The following TMTC1 variants were observed in gnomAD, a reference collection of about 807,000 sequenced individuals.
TMTC1 encodes the protein transmembrane O-mannosyltransferase targeting cadherins 1.
In TMTC1, 73 loss-of-function variants were observed where a neutral mutation model predicts 104.8. The ratio of observed to expected loss-of-function variants is 0.70; its 90% CI spans 0.58 to 0.85. TMTC1 has a LOEUF of 0.85. Ranked by LOEUF, TMTC1 falls within the 40% of genes least tolerant of loss-of-function variation. TMTC1 has a pLI of 0.00. For synonymous variants in TMTC1, 434 were observed against 428.7 expected (o/e 1.01, Z -0.15); for missense variants, 1,035 against 1,096.1 (o/e 0.94, Z 0.79).
At chr12:29,688,286 A>G (rs1941158488) in intron 5 of TMTC1, among the ~76,000 whole-genome samples, 1 of 152,188 alleles carries the variant, frequency 6.6e-6, no homozygotes, top group Non-Finnish European at 1.5e-5. Flanking sequence ...TATCTAAAAA[A>G]CTACAGAATG....
At chr12:29,731,372 A>G (rs973025246) in intron 5 of TMTC1, among the ~76,000 whole-genome samples, 2 of 152,082 alleles carry the variant, frequency 1.3e-5, no homozygotes, top group African/African-American at 2.4e-5. Flanking sequence ...GGCCAGGCTG[A>G]TCTCAAACTC....
intron 5 of TMTC1, chr12:29,660,015 C>T (rs1335887665): frequency 1.4e-6 from 2 of 1,480,820 alleles, no homozygotes; most frequent in South Asian, 1.2e-5. Flanking sequence ...AGTGAGATTG[C>T]CACCAATAAT....
At chr12:29,633,077 A>G in intron 6 of TMTC1, 70 bp downstream of exon 6, 1 of 1,435,400 alleles carries the variant, frequency 7.0e-7, no homozygotes, top group Non-Finnish European at 9.5e-7. Flanking sequence ...CATCCGCACT[A>G]AAAAGAACAT....
chr12:29,624,379 T>C (rs1469064728), intron 6 of TMTC1, among the ~76,000 whole-genome samples: 1 of 151,454 alleles, frequency 6.6e-6, no homozygotes, highest in Non-Finnish European at 1.5e-5. Context: ...GTGGAAGAAG[T>C]ATGGCAAGGG....
In TMTC1 at chr12:29,644,015, T is replaced by C. The variant is rs1287837819; in HGVS notation, c.939-10679A>G. On this transcript the variant is annotated intron_variant, in intron 5 of 17. Transcript: ENST00000539277. ...TAATTTATATATAAATATAAATATATAATTTATATATAAATATAAATATAT... is the reference window on the plus strand; with the variant it reads ...TAATTTATATATAAATATAAATATACAATTTATATATAAATATAAATATAT... Among the ~76,000 whole-genome samples the C allele has an allele frequency of 4.3e-5, 5 of 117,380 alleles. No individual in the cohort carries two copies. The East Asian group carries it at 8.9e-4, about 21-fold the overall frequency. The allele number at this position is 117,380 out of a possible 152,430, so 77.0% of individuals were successfully genotyped here.
At chr12:29,764,335 T>C (rs1004869359) in intron 2 of TMTC1, among the ~76,000 whole-genome samples, 2 of 152,164 alleles carry the variant, frequency 1.3e-5, no homozygotes, top group African/African-American at 4.8e-5. Context: ...AAGTATACTA[T>C]ATGTATAAGG....
intron 6 of TMTC1, among the ~76,000 whole-genome samples, chr12:29,608,147 C>G: frequency 6.6e-6 from 1 of 152,090 alleles, no homozygotes; most frequent in Middle Eastern, 3.2e-3. Flanking sequence ...AAAAACATAT[C>G]AATCTGCCAA....
intron 9 of TMTC1, among the ~76,000 whole-genome samples, chr12:29,567,090 T>TA (rs1945537264): frequency 6.6e-6 from 1 of 152,196 alleles, no homozygotes; most frequent in Non-Finnish European, 1.5e-5. Context: ...ATGACACCTC[T>TA]AAGGGGACAT....
chr12:29,525,430 C>T (rs559159311), intron 11 of TMTC1, among the ~76,000 whole-genome samples: 42 of 151,894 alleles, frequency 2.8e-4, no homozygotes, highest in African/African-American at 9.2e-4. Flanking sequence ...AGGTGATCCA[C>T]CCGCCTTGGC....
chr12:29,744,757 G>A (rs937042683), intron 5 of TMTC1, among the ~76,000 whole-genome samples: 4 of 151,992 alleles, frequency 2.6e-5, no homozygotes, highest in Non-Finnish European at 4.4e-5. Context: ...TTCTATATTT[G>A]AAAAAAAGCT....
intron 10 of TMTC1, among the ~76,000 whole-genome samples, chr12:29,553,837 T>C (rs74737094): frequency 0.016 from 2,455 of 152,302 alleles, 67 homozygotes; most frequent in African/African-American, 0.056. Context: ...CATCCATCTT[T>C]TGCTCAGGTC....
intron 5 of TMTC1, among the ~76,000 whole-genome samples, chr12:29,727,387 A>T (rs1942424117): frequency 6.6e-6 from 1 of 150,998 alleles, no homozygotes; most frequent in Non-Finnish European, 1.5e-5. Flanking sequence ...TTATTTATTT[A>T]TTTTTTTGAG....
chr12:29,517,505 G>A lies in TMTC1; in HGVS notation c.2091C>T (p.Gly697=), dbSNP rs139753562. Residue 697 remains glycine, a synonymous_variant, in exon 14 of 18, where the codon GGC becomes GGT. Coordinates refer to ENST00000539277, the MANE Select transcript of TMTC1 (RefSeq NM_001193451.2). ...AAATCTGCAAAGCCTCTTCGTATCG[G>A]CCAGTGTTGTAATACAGTGCTCCCA... The part of the protein sequence containing the change: ...SPLGALYYNT[G]RYEEALQIYQ... The A allele has an allele frequency of 9.0e-4, 1,458 of 1,614,114 alleles. 9 individuals carry two copies. The African/African-American group carries it at 0.016, about 18-fold the overall frequency.
intron 5 of TMTC1, among the ~76,000 whole-genome samples, chr12:29,643,880 TTTAA>T (rs1220574217): frequency 2.0e-5 from 2 of 99,352 alleles, no homozygotes; most frequent in African/African-American, 9.1e-5. Flanking sequence ...TATATATAAA[TTTAA>T]ATATATATAA....
intron 5 of TMTC1, among the ~76,000 whole-genome samples, chr12:29,721,037 A>T (rs1942223735): frequency 6.6e-6 from 1 of 152,188 alleles, no homozygotes; most frequent in South Asian, 2.1e-4. Flanking sequence ...TCAGAAATAC[A>T]TCCCTAAAAA....
chr12:29,690,827 C>T (rs1056657263), intron 5 of TMTC1, among the ~76,000 whole-genome samples: 10 of 152,156 alleles, frequency 6.6e-5, no homozygotes, highest in African/African-American at 2.4e-4. Flanking sequence ...AAGAAGAAAA[C>T]TCTAAGGTTT....
In TMTC1 at chr12:29,744,472, TAGA is replaced by T. The variant is rs781726437; in HGVS notation, c.938+7191_938+7193del. 5.9e-5 allele frequency among the ~76,000 whole-genome samples: 9 copies of T among 152,362 alleles called. No individual in the cohort carries two copies. In the East Asian group the frequency reaches 1.5e-3, roughly 26 times the overall value. ...TTGCCTCCTTAGCATGTGATTTATT[TAGA>T]AGAAGCTTTTAGTGCTAACTTTTGA... On this transcript the variant is annotated intron_variant, in intron 5 of 17. Transcript: ENST00000539277.
chr12:29,659,477 C>T (rs1939913099), intron 5 of TMTC1, among the ~76,000 whole-genome samples: 1 of 152,188 alleles, frequency 6.6e-6, no homozygotes, highest in Admixed American at 6.5e-5. Flanking sequence ...GTGATCACTG[C>T]ACACAGTCAG....
chr12:29,594,709 C>G (rs1946363747), intron 7 of TMTC1, among the ~76,000 whole-genome samples: 1 of 152,206 alleles, frequency 6.6e-6, no homozygotes, highest in Non-Finnish European at 1.5e-5. Flanking sequence ...CACATCCTCC[C>G]CGCAAAGTTA....
Sources: allele counts gnomAD v4.1 joint callset (sites outside exome capture counted in the v4.1 genomes callset), GRCh38; gene constraint gnomAD v4.1.1; transcripts MANE v1.5; gene names NCBI Gene and HGNC (gene_info 2026-07-23, HGNC 2026-07-21).